PRORP: variants seen among roughly 807,000 people sequenced by gnomAD.
PRORP encodes the protein mitochondrial ribonuclease P catalytic subunit.
In PRORP, 51 loss-of-function variants were observed where a neutral mutation model predicts 59.4. The observed-to-expected ratio is 0.86, with a 90% CI of 0.69 to 1.08. The LOEUF is 1.08. Ranked by LOEUF, PRORP falls within the 50% of genes least tolerant of loss-of-function variation. The pLI is 0.00. For synonymous variants in PRORP, 231 were observed against 245.6 expected (o/e 0.94, Z 0.55); for missense variants, 646 against 690.3 (o/e 0.94, Z 0.72).
intron 5 of PRORP, among the ~76,000 whole-genome samples, chr14:35,216,556 T>G (rs1289223516): frequency 6.6e-6 from 1 of 152,230 alleles, no homozygotes; most frequent in African/African-American, 2.4e-5. Flanking sequence ...ATTCATCAGT[T>G]GAGTTGTTCC....
At chr14:35,247,167 T>C (rs886236472) in intron 5 of PRORP, among the ~76,000 whole-genome samples, 2 of 152,158 alleles carry the variant, frequency 1.3e-5, no homozygotes, top group African/African-American at 4.8e-5. Flanking sequence ...TTATGATTAT[T>C]GAACTATTAA....
At chr14:35,201,694 GTGCAGTGGTGCGATCT>G (rs1175491940) in intron 5 of PRORP, among the ~76,000 whole-genome samples, 1 of 151,850 alleles carries the variant, frequency 6.6e-6, no homozygotes, top group Non-Finnish European at 1.5e-5. Context: ...CCAGGCTGGA[GTGCAGTGGTGCGATCT>G]TGCAGTGGTG....
intron 5 of PRORP, among the ~76,000 whole-genome samples, chr14:35,188,293 C>G (rs577321042): frequency 3.3e-4 from 50 of 149,896 alleles, no homozygotes; most frequent in African/African-American, 1.2e-3. Flanking sequence ...CGGGTTCAAG[C>G]GATTCTCCTG....
chr14:35,268,458 G>A (rs543128050), intron 6 of PRORP, among the ~76,000 whole-genome samples: 10 of 151,838 alleles, frequency 6.6e-5, no homozygotes, highest in East Asian at 3.9e-4. Flanking sequence ...TCAATGCACT[G>A]TTGTGCATTG....
At chr14:35,229,419 AGTTTGAGGTTTTATGT>A (rs1475179982) in intron 5 of PRORP, among the ~76,000 whole-genome samples, 1 of 152,136 alleles carries the variant, frequency 6.6e-6, no homozygotes, top group Non-Finnish European at 1.5e-5. Flanking sequence ...GGATTTCTAT[AGTTTGAGGTTTTATGT>A]TTAAATCTTT....
chr14:35,158,957 C>T, intron 4 of PRORP: 1 of 346,704 alleles, frequency 2.9e-6, no homozygotes, highest in Non-Finnish European at 5.6e-6. Flanking sequence ...TTCACTGATT[C>T]TCTGGATACT....
intron 4 of PRORP, among the ~76,000 whole-genome samples, chr14:35,173,394 A>G (rs940102065): frequency 6.6e-6 from 1 of 152,180 alleles, no homozygotes; most frequent in East Asian, 1.9e-4. Context: ...TGCAGTGGGT[A>G]GCAGCTGAGA....
chr14:35,240,568 C>T (rs2050339452), intron 5 of PRORP, among the ~76,000 whole-genome samples: 1 of 152,188 alleles, frequency 6.6e-6, no homozygotes, highest in South Asian at 2.1e-4. Flanking sequence ...CTTGGACTAG[C>T]ATGTAGGATC....
chr14:35,148,230 C>T (rs1031026048), intron 4 of PRORP, among the ~76,000 whole-genome samples: 2 of 152,200 alleles, frequency 1.3e-5, no homozygotes, highest in African/African-American at 4.8e-5. Context: ...TCTATGACAG[C>T]TATAGCCTTA....
In PRORP at chr14:35,142,212, A is replaced by G. The variant is rs904092264; in HGVS notation, c.1167+14601A>G. ...TTATCTTATGTAGAGATGGAGTCTC[A>G]TTATGTTGCCAAGGCTGGTGTTGAA... On this transcript the variant is annotated intron_variant, in intron 4 of 7. Coordinates refer to ENST00000534898, the MANE Select transcript of PRORP (RefSeq NM_014672.4). Among the ~76,000 whole-genome samples, 14 of 141,642 alleles carry G rather than the reference A, an allele frequency of 9.9e-5. 1 individual carries two copies. Among genetic ancestry groups the G allele is most frequent in the African/African-American group, 3.2e-4 (13 of 40,370 alleles). The allele number at this position is 141,642 out of a possible 152,430, so 92.9% of individuals were successfully genotyped here. A position where few individuals can be genotyped will look rare whatever the true frequency, so the allele number is the denominator to read the frequency against.
At chr14:35,240,904 C>G (rs911936040) in intron 5 of PRORP, among the ~76,000 whole-genome samples, 1 of 152,100 alleles carries the variant, frequency 6.6e-6, no homozygotes, top group African/African-American at 2.4e-5. Context: ...TGTGGGTTCC[C>G]CTCGCCCGTG....
intron 2 of PRORP, among the ~76,000 whole-genome samples, chr14:35,125,025 T>C (rs2047063771): frequency 6.6e-6 from 1 of 151,944 alleles, no homozygotes; most frequent in Non-Finnish European, 1.5e-5. Context: ...CATGCCCTGC[T>C]AATTTTCTAT....
chr14:35,238,973 A>G (rs1034400041), intron 5 of PRORP, among the ~76,000 whole-genome samples: 2 of 152,168 alleles, frequency 1.3e-5, no homozygotes, highest in African/African-American at 4.8e-5. Context: ...ACACATCCCT[A>G]TGGACTAAGT....
intron 5 of PRORP, among the ~76,000 whole-genome samples, chr14:35,206,705 G>A (rs8003136): frequency 0.64 from 97,917 of 151,994 alleles, 31,920 homozygotes; most frequent in East Asian, 0.8. Context: ...TATTGACTGG[G>A]TGACTATAGG....
chr14:35,158,008 G>A (rs1230935780), intron 4 of PRORP: 1 of 219,402 alleles, frequency 4.6e-6, no homozygotes, highest in Non-Finnish European at 9.6e-6. Context: ...AACTGATGTT[G>A]TTTCTTCTCT....
At chr14:35,233,047 T>G (rs758163672) in intron 5 of PRORP, among the ~76,000 whole-genome samples, 6 of 152,150 alleles carry the variant, frequency 3.9e-5, no homozygotes, top group Non-Finnish European at 7.4e-5. Context: ...CTTAATCTCT[T>G]TCAGTTTTAA....
intron 5 of PRORP, among the ~76,000 whole-genome samples, chr14:35,208,318 G>A (rs565395914): frequency 9.9e-5 from 15 of 152,234 alleles, no homozygotes; most frequent in African/African-American, 3.6e-4. Context: ...GTGAGCGCTT[G>A]TAGTCCCAGC....
chr14:35,220,270 C>A (rs1012479267), intron 5 of PRORP, among the ~76,000 whole-genome samples: 2 of 152,096 alleles, frequency 1.3e-5, no homozygotes, highest in Non-Finnish European at 2.9e-5. Flanking sequence ...ATGACACATT[C>A]GTCATTTTAT....
chr14:35,150,293 G>C (rs778784248), intron 4 of PRORP, among the ~76,000 whole-genome samples: 13 of 152,176 alleles, frequency 8.5e-5, no homozygotes, highest in Non-Finnish European at 1.9e-4. Context: ...GTATTGTTGT[G>C]TCTCAGGTAA....
Sources: allele counts gnomAD v4.1 joint callset (sites outside exome capture counted in the v4.1 genomes callset), GRCh38; gene constraint gnomAD v4.1.1; transcripts MANE v1.5; gene names NCBI Gene and HGNC (gene_info 2026-07-23, HGNC 2026-07-21).